Variants in DIP2C observed in about 807,000 individuals in gnomAD.
The protein encoded by DIP2C is disco-interacting protein 2 homolog C.
A neutral mutation model predicts 192.4 loss-of-function variants in DIP2C; 33 were observed. The observed-to-expected ratio is 0.17, with a 90% confidence interval of 0.13 to 0.23. DIP2C has a LOEUF of 0.23. DIP2C is among the 10% of genes least tolerant of loss of function. The probability of loss-of-function intolerance (pLI) is 1.00; values close to 1 mark genes in which losing one functional copy is unlikely to be tolerated. For synonymous variants in DIP2C, 979 were observed against 864.1 expected, an observed-to-expected ratio of 1.13 and a Z score of -2.33; for missense variants, 1,537 against 2,110.1, an observed-to-expected ratio of 0.73 and a Z score of 5.32.
At chr10:617,683 C>T (rs1333474696) in intron 1 of DIP2C, among the ~76,000 whole-genome samples, 6 of 130,222 alleles carry the variant, frequency 4.6e-5, no homozygotes, top group East Asian at 2.8e-4. Context: ...CTGCTTGGGG[C>T]GTCTTCCACT....
chr10:325,037 A>G (rs3123241), intron 31 of DIP2C: 495,126 of 499,886 alleles, frequency 0.99, 245,360 homozygotes, highest in East Asian at 1. Context: ...AGGCAAAGGA[A>G]GGCGGATCAT....
chr10:518,883 A>G (rs918773277), intron 1 of DIP2C, among the ~76,000 whole-genome samples: 1 of 152,174 alleles, frequency 6.6e-6, no homozygotes, highest in East Asian at 1.9e-4. Context: ...GAAAAGGAGG[A>G]TCATTTTAGA....
intron 29 of DIP2C, 70 bp downstream of exon 29, chr10:341,129 G>T: frequency 6.2e-7 from 1 of 1,602,970 alleles, no homozygotes; most frequent in Non-Finnish European, 8.5e-7. Flanking sequence ...AGGTTGCCTG[G>T]CTGGGTCTAA....
rs1474821951 is a variant in DIP2C, at chr10:668,956, C to CA, written c.85+20537dup. 3.3e-5 allele frequency: 5 copies of CA among 152,254 alleles called. No homozygotes were observed. In the East Asian group the frequency reaches 7.7e-4, roughly 24 times the overall value. The allele number at this position is 152,254 out of a possible 1,614,324, so 9.4% of individuals were successfully genotyped here. A position where few individuals can be genotyped will look rare whatever the true frequency, so the allele number is the denominator to read the frequency against. On this transcript the variant is annotated intron_variant, in intron 1 of 36. Coordinates refer to ENST00000280886, the MANE Select transcript of DIP2C (RefSeq NM_014974.3). ...CTCGGAACAAAACACAACTCACACTCAGAGGCCAGGAAGGGAACTCGGGGG... is the reference window on the plus strand; with the variant it reads ...CTCGGAACAAAACACAACTCACACTCAAGAGGCCAGGAAGGGAACTCGGGGG...
chr10:400,219 C>T (rs992414875), intron 9 of DIP2C, among the ~76,000 whole-genome samples: 2 of 152,086 alleles, frequency 1.3e-5, no homozygotes, highest in Non-Finnish European at 2.9e-5. Context: ...GATGGGGTCT[C>T]GTTATGTTGC....
At chr10:463,988 AT>A in intron 3 of DIP2C, among the ~76,000 whole-genome samples, 1 of 152,366 alleles carries the variant, frequency 6.6e-6, no homozygotes, top group Admixed American at 6.5e-5. Context: ...TTATACAAAA[AT>A]TAACTCAAAT....
chr10:314,804 AG>A (rs1196171838), intron 31 of DIP2C, among the ~76,000 whole-genome samples: 1 of 152,196 alleles, frequency 6.6e-6, no homozygotes, highest in Non-Finnish European at 1.5e-5. Context: ...CCCATTCGTG[AG>A]GGCTCCACCC....
chr10:494,779 G>A (rs571483561), intron 1 of DIP2C, among the ~76,000 whole-genome samples: 3 of 152,350 alleles, frequency 2.0e-5, no homozygotes, highest in South Asian at 2.1e-4. Flanking sequence ...ACCCTTGCAC[G>A]CTGTTGGTGG....
At chr10:434,520 G>A (rs1008155051) in intron 4 of DIP2C, among the ~76,000 whole-genome samples, 3 of 152,196 alleles carry the variant, frequency 2.0e-5, no homozygotes, top group South Asian at 2.1e-4. Context: ...CAATTCTCCC[G>A]CCTTGGCCTC....
intron 6 of DIP2C, among the ~76,000 whole-genome samples, chr10:417,935 CT>C (rs1269165033): frequency 3.7e-4 from 38 of 102,344 alleles, no homozygotes; most frequent in Non-Finnish European, 5.7e-4. Flanking sequence ...CCTGTCAGGG[CT>C]TCGATAGGCC....
intron 1 of DIP2C, among the ~76,000 whole-genome samples, chr10:620,992 C>T (rs141155430): frequency 2.0e-5 from 3 of 152,152 alleles, no homozygotes; most frequent in South Asian, 4.2e-4. Flanking sequence ...TGCATTTGAA[C>T]GTTCTTGTAG....
At chr10:554,128 A>G (rs1225579766) in intron 1 of DIP2C, among the ~76,000 whole-genome samples, 1 of 152,246 alleles carries the variant, frequency 6.6e-6, no homozygotes, top group Non-Finnish European at 1.5e-5. Context: ...GGAAATATAC[A>G]TCTTAGGAGA....
intron 1 of DIP2C, among the ~76,000 whole-genome samples, chr10:577,101 C>A (rs1187700182): frequency 6.6e-6 from 1 of 152,140 alleles, no homozygotes; most frequent in East Asian, 1.9e-4. Flanking sequence ...GTGTGACTAA[C>A]AACAAAAAAT....
chr10:635,245 G>A (rs816572), intron 1 of DIP2C, among the ~76,000 whole-genome samples: 124,314 of 152,218 alleles, frequency 0.82, 53,655 homozygotes, highest in Non-Finnish European at 0.95. Flanking sequence ...CTGTGAATGG[G>A]GTGGGCTCCC....
At chr10:497,988 C>G (rs1471821534) in intron 1 of DIP2C, among the ~76,000 whole-genome samples, 1 of 152,194 alleles carries the variant, frequency 6.6e-6, no homozygotes, top group African/African-American at 2.4e-5. Flanking sequence ...CCTCCCACCT[C>G]AGCCTTCTGG....
At chr10:598,553 AGCTCCTCTTCCCTCT>A (rs1217821076) in intron 1 of DIP2C, among the ~76,000 whole-genome samples, 2 of 150,290 alleles carry the variant, frequency 1.3e-5, no homozygotes, top group Admixed American at 6.6e-5. Context: ...CTCCCCCCAC[AGCTCCTCTTCCCTCT>A]GCTCCTCACG....
intron 1 of DIP2C, among the ~76,000 whole-genome samples, chr10:488,885 GTGTACCACA>G (rs995744713): frequency 2.0e-5 from 3 of 152,162 alleles, no homozygotes; most frequent in African/African-American, 4.8e-5. Flanking sequence ...GTGCTCCTGC[GTGTACCACA>G]TGTACCACAC....
chr10:467,188 G>T, intron 3 of DIP2C, among the ~76,000 whole-genome samples: 1 of 152,130 alleles, frequency 6.6e-6, no homozygotes, highest in Non-Finnish European at 1.5e-5. Flanking sequence ...ATACACCATG[G>T]AATACTATGC....
At chr10:524,781 C>G (rs1004603702) in intron 1 of DIP2C, among the ~76,000 whole-genome samples, 3 of 152,044 alleles carry the variant, frequency 2.0e-5, no homozygotes, top group Admixed American at 2.0e-4. Flanking sequence ...TTAGTTTAAG[C>G]ATTAGGGAGT....
Sources: gnomAD v4.1 joint callset for allele counts (sites outside exome capture counted in the v4.1 genomes callset) on GRCh38, gnomAD v4.1.1 for gene constraint, MANE v1.5 for transcripts, NCBI Gene and HGNC (gene_info 2026-07-23, HGNC 2026-07-21) for gene names.